The following ZSWIM6 variants were observed in gnomAD, a reference collection of about 807,000 sequenced individuals.
The protein encoded by ZSWIM6 is zinc finger SWIM domain-containing protein 6.
A neutral mutation model predicts 113.2 loss-of-function variants in ZSWIM6; 9 were observed. The ratio of observed to expected loss-of-function variants is 0.08; its 90% CI spans 0.05 to 0.14. The LOEUF is 0.14. Ranked by LOEUF, ZSWIM6 falls within the 10% of genes least tolerant of loss-of-function variation. ZSWIM6 has a pLI of 1.00. For missense variants in ZSWIM6, 1,162 were observed against 1,552.2 expected, an observed-to-expected ratio of 0.75 and a Z score of 4.22; for synonymous variants, 611 against 606.5, an observed-to-expected ratio of 1.01 and a Z score of -0.11.
intron 10 of ZSWIM6, among the ~76,000 whole-genome samples, chr5:61,536,956 G>T (rs561262220): frequency 6.6e-6 from 1 of 152,252 alleles, no homozygotes; most frequent in East Asian, 1.9e-4. Flanking sequence ...AAATAAGTGG[G>T]TTCCTATTTT....
Position 61,465,292 on chromosome 5 carries a change from A to T in ZSWIM6, c.677-7389A>T, listed in dbSNP as rs1319346003. Among the ~76,000 whole-genome samples the T allele has an allele frequency of 5.3e-5, 8 of 152,266 alleles. No homozygotes were observed. The East Asian group carries it at 1.3e-3, about 26-fold the overall frequency. On this transcript the variant is annotated intron_variant, in intron 1 of 13. Coordinates refer to ENST00000252744, the MANE Select transcript of ZSWIM6 (RefSeq NM_020928.2). ...ACCCAGAATTTGAGGCTAGACAATG[A>T]TTGTTTCCCTTAAGTATGCAAGTTA...
rs1561287601 is a variant in ZSWIM6 at position 61,544,041 on chromosome 5, G to A, written c.3372G>A (p.Arg1124=). ...CTGGCATGGTGGGACTTCATGGGAGGAGGAACTCTGGTAAGCTCATGTCAC... is the reference window on the plus strand; with the variant it reads ...CTGGCATGGTGGGACTTCATGGGAGAAGGAACTCTGGTAAGCTCATGTCAC... ...TTPGMVGLHG[R]RNSGKLMSLD... is the part of the protein sequence containing the mutation. Residue 1124 remains arginine, a synonymous_variant, in exon 14 of 14, where the codon AGG becomes AGA. Transcript: ENST00000252744. 2 of 1,552,074 alleles carry A rather than the reference G, an allele frequency of 1.3e-6. No homozygotes were observed. The highest frequency in any genetic ancestry group is 2.4e-5 in the East Asian group (1 of 40,902).
At chr5:61,427,638 C>G (rs1023219256) in intron 1 of ZSWIM6, among the ~76,000 whole-genome samples, 14 of 152,190 alleles carry the variant, frequency 9.2e-5, no homozygotes, top group African/African-American at 3.1e-4. Flanking sequence ...GCCACTGTGC[C>G]TCGTTAATTT....
At chr5:61,445,241 T>A (rs1220831085) in intron 1 of ZSWIM6, among the ~76,000 whole-genome samples, 2 of 151,852 alleles carry the variant, frequency 1.3e-5, no homozygotes, top group African/African-American at 2.4e-5. Flanking sequence ...TAAAAAAAAG[T>A]TTAATGTAAA....
chr5:61,484,695 C>T (rs1178314857), intron 2 of ZSWIM6, among the ~76,000 whole-genome samples: 1 of 152,130 alleles, frequency 6.6e-6, no homozygotes, highest in Non-Finnish European at 1.5e-5. Context: ...ATTGTGTGTC[C>T]TTAAAGCTTT....
chr5:61,530,339 G>A (rs1749396701), intron 8 of ZSWIM6, 141 bp downstream of exon 8: 1 of 814,502 alleles, frequency 1.2e-6, no homozygotes, highest in Middle Eastern at 3.9e-4. Context: ...AAGAAAATGG[G>A]CACTGTCATG....
At position 61,332,576 on chromosome 5, in the gene ZSWIM6, C is replaced by G; in HGVS notation, c.304C>G (p.Pro102Ala). Reference sequence around the variant, plus strand: ...CGTGGAGGAGCGCTTTGAGCGCATCCCGGAGCCGGTGCAGCGCCGCATAGT... The same window carrying G: ...CGTGGAGGAGCGCTTTGAGCGCATCGCGGAGCCGGTGCAGCGCCGCATAGT... ...QRVEERFERI[P>A]EPVQRRIVYW... The change falls in exon 1 of 14, where the codon CCG (proline) becomes GCG (alanine). Residue 102 changes from proline (P) to alanine (A), a missense_variant. Physicochemically the swap from Pro to Ala is conservative, Grantham distance 27 (BLOSUM62 -1). Coordinates refer to ENST00000252744, the MANE Select transcript of ZSWIM6 (RefSeq NM_020928.2). 2 of 1,364,012 alleles carry G rather than the reference C, an allele frequency of 1.5e-6. No homozygotes were observed. Among genetic ancestry groups the G allele is most frequent in the Non-Finnish European group, 1.9e-6 (2 of 1,031,622 alleles). The allele number at this position is 1,364,012 out of a possible 1,614,324, so 84.5% of individuals were successfully genotyped here. A position where few individuals can be genotyped will look rare whatever the true frequency, so the allele number is the denominator to read the frequency against.
chr5:61,492,977 G>C (rs1416587050), intron 3 of ZSWIM6, among the ~76,000 whole-genome samples: 2 of 152,070 alleles, frequency 1.3e-5, no homozygotes, highest in Admixed American at 1.3e-4. Flanking sequence ...TTACAGCTGA[G>C]ATTCTTACTT....
At chr5:61,494,072 T>G (rs535405426) in intron 3 of ZSWIM6, among the ~76,000 whole-genome samples, 188 bp from the exon 4 acceptor site, 45 of 152,136 alleles carry the variant, frequency 3.0e-4, no homozygotes, top group Middle Eastern at 6.8e-3. Flanking sequence ...ATATTTTGTT[T>G]GCTTAAGAGG....
chr5:61,448,978 C>G (rs1561241865), intron 1 of ZSWIM6, among the ~76,000 whole-genome samples: 1 of 152,198 alleles, frequency 6.6e-6, no homozygotes, highest in Non-Finnish European at 1.5e-5. Flanking sequence ...AAAATTGTAG[C>G]ACTGTTGCCC....
intron 1 of ZSWIM6, among the ~76,000 whole-genome samples, chr5:61,374,361 T>G: frequency 6.6e-6 from 1 of 152,180 alleles, no homozygotes; most frequent in East Asian, 1.9e-4. Context: ...ACAGTACTTT[T>G]GGCGTTCATA....
chr5:61,533,157 C>T (rs575461321), intron 9 of ZSWIM6, among the ~76,000 whole-genome samples: 2 of 152,330 alleles, frequency 1.3e-5, no homozygotes, highest in Admixed American at 6.5e-5. Flanking sequence ...GCATTGTTGA[C>T]TCATCTCTGC....
At chr5:61,356,668 A>T (rs1328738694) in intron 1 of ZSWIM6, among the ~76,000 whole-genome samples, 1 of 143,050 alleles carries the variant, frequency 7.0e-6, no homozygotes, top group Non-Finnish European at 1.5e-5. Flanking sequence ...TATATATATA[A>T]TATATATAAC....
intron 1 of ZSWIM6, among the ~76,000 whole-genome samples, chr5:61,335,803 A>G (rs189010477): frequency 2.6e-5 from 4 of 152,324 alleles, no homozygotes; most frequent in Admixed American, 2.0e-4. Flanking sequence ...AATTAAACCT[A>G]TTGGTAGTTA....
intron 2 of ZSWIM6, among the ~76,000 whole-genome samples, chr5:61,478,736 T>A (rs1747775709): frequency 6.6e-6 from 1 of 152,010 alleles, no homozygotes; most frequent in Non-Finnish European, 1.5e-5. Context: ...TGTGAATTTG[T>A]ATAGATATAA....
chr5:61,356,734 A>ATG (rs1744919213), intron 1 of ZSWIM6, among the ~76,000 whole-genome samples: 2 of 136,440 alleles, frequency 1.5e-5, no homozygotes, highest in Admixed American at 7.9e-5. Context: ...AATATATAAT[A>ATG]TATATTATAT....
At chr5:61,479,190 TA>T (rs929983201) in intron 2 of ZSWIM6, among the ~76,000 whole-genome samples, 5 of 151,736 alleles carry the variant, frequency 3.3e-5, no homozygotes, top group African/African-American at 1.2e-4. Context: ...AAAAGTGTTT[TA>T]AAAAAACATG....
chr5:61,446,935 C>A (rs2112153335), intron 1 of ZSWIM6, among the ~76,000 whole-genome samples: 1 of 152,306 alleles, frequency 6.6e-6, no homozygotes, highest in East Asian at 1.9e-4. Context: ...GGTCTACACA[C>A]ATGTTCAAAT....
intron 1 of ZSWIM6, among the ~76,000 whole-genome samples, chr5:61,431,433 T>C (rs1746578741): frequency 6.6e-6 from 1 of 150,994 alleles, no homozygotes; most frequent in African/African-American, 2.4e-5. Flanking sequence ...ATCTTTTTTT[T>C]CTTCCTGTAT....
Sources: allele counts gnomAD v4.1 joint callset (sites outside exome capture counted in the v4.1 genomes callset), GRCh38; gene constraint gnomAD v4.1.1; transcripts MANE v1.5; gene names NCBI Gene and HGNC (gene_info 2026-07-23, HGNC 2026-07-21).